The following TNK2 variants were observed in gnomAD, a reference collection of about 807,000 sequenced individuals.
TNK2 encodes tyrosine kinase non receptor 2.
A neutral mutation model predicts 101.8 loss-of-function variants in TNK2; 83 were observed. The observed-to-expected ratio is 0.82, with a 90% CI of 0.68 to 0.98. TNK2 has a LOEUF of 0.98. TNK2 is among the 50% of genes least tolerant of loss of function. The pLI is 0.00. For missense variants in TNK2, 1,665 were observed against 1,483.2 expected (o/e 1.12, Z -2.01); for synonymous variants, 804 against 633.0 (o/e 1.27, Z -4.06).
chr3:195,869,568 GGAGA>G, intron 11 of TNK2, 27 bp from the exon 12 acceptor site: 1 of 1,550,646 alleles, frequency 6.4e-7, no homozygotes, highest in East Asian at 2.4e-5. Flanking sequence ...GCGGACAGGG[GGAGA>G]GAGACGGAGC....
In TNK2 at chr3:195,867,532, G is replaced by A. The variant is rs767112178; in HGVS notation, c.2766C>T (p.Ala922=). The change falls in exon 13 of 16, where the codon GCC becomes GCT. Residue 922 remains alanine (A), a synonymous_variant. Transcript: ENST00000672887. The part of the protein sequence containing the change: ...PSTPAPAAPT[A]TVRPMPQAAL... ...CAGCCTGGGGCATCGGCCGCACGGT[G>A]GCCGTGGGGGCGGCGGGGGCTGGGG... The A allele has an allele frequency of 5.2e-6, 8 of 1,537,844 alleles. No homozygotes were observed. In the East Asian group the frequency reaches 1.6e-4, roughly 31 times the overall value.
chr3:195,891,847 C>T (rs1758602027), intron 1 of TNK2: 2 of 914,434 alleles, frequency 2.2e-6, no homozygotes, highest in South Asian at 5.0e-5. Flanking sequence ...GAGGCCCCTC[C>T]CCTGAAGCTC....
intron 1 of TNK2, among the ~76,000 whole-genome samples, chr3:195,906,556 T>G (rs1761736768): frequency 6.6e-6 from 1 of 150,826 alleles, no homozygotes; most frequent in South Asian, 2.1e-4. Context: ...TGACAGAAAG[T>G]AGACCAGCCT....
At chr3:195,877,196 C>G (rs149697992) in intron 9 of TNK2, among the ~76,000 whole-genome samples, 213 of 152,312 alleles carry the variant, frequency 1.4e-3, no homozygotes, top group African/African-American at 4.2e-3. Context: ...GCCTCTCTTT[C>G]TAGAACCTTC....
chr3:195,872,477 G>C lies in TNK2; in HGVS notation c.1257-7C>G, dbSNP rs762035035. 6.4e-7 allele frequency: 1 copy of C among 1,573,310 alleles called. No homozygotes were observed. The highest frequency in any genetic ancestry group is 2.3e-5 in the East Asian group (1 of 44,218). On this transcript the variant is annotated splice_region_variant and splice_polypyrimidine_tract_variant and intron_variant, in intron 9 of 15. Transcript: ENST00000672887. The stretch of plus-strand genomic sequence containing the variant: ...CCACCAGTAGTTCTCGGCCCTGCGC[G>C]ACAGAGATGGCACGGTGAACGCCAG...
At chr3:195,898,221 A>AC (rs1760844829) in intron 1 of TNK2, among the ~76,000 whole-genome samples, 1 of 152,032 alleles carries the variant, frequency 6.6e-6, no homozygotes, top group African/African-American at 2.4e-5. Context: ...TCCACCAGAC[A>AC]CACCGGTCGG....
At chr3:195,887,899 CGTGTGTGCACGTGCAT>C (rs1756668273) in intron 2 of TNK2, among the ~76,000 whole-genome samples, 1 of 123,434 alleles carries the variant, frequency 8.1e-6, no homozygotes, top group African/African-American at 4.9e-5. Flanking sequence ...CACGTGCATG[CGTGTGTGCACGTGCAT>C]GCGTGCGTGC....
chr3:195,865,301 C>A (rs1416993977), intron 15 of TNK2, among the ~76,000 whole-genome samples: 4 of 138,576 alleles, frequency 2.9e-5, no homozygotes, highest in Non-Finnish European at 3.1e-5. Context: ...TCAGTAAGAA[C>A]CACCCGAGAC....
Position 195,873,677 on chromosome 3 carries a change from G to A in TNK2, c.1257-1207C>T, listed in dbSNP as rs184148301. Among the ~76,000 whole-genome samples, 37 of 152,318 alleles carry A rather than the reference G, an allele frequency of 2.4e-4. No individual in the cohort carries two copies. The East Asian group carries it at 6.8e-3, about 28-fold the overall frequency. On this transcript the variant is annotated intron_variant, in intron 9 of 15. Transcript: ENST00000672887. Reference sequence around the variant, plus strand: ...TCCTCTGAAACCCAGCCAGGCCGGGGAGAGAGGACGGAGGAGGTGGCGACG... The same window carrying A: ...TCCTCTGAAACCCAGCCAGGCCGGGAAGAGAGGACGGAGGAGGTGGCGACG...
intron 10 of TNK2, among the ~76,000 whole-genome samples, chr3:195,871,806 G>C (rs1474154367): frequency 1.3e-5 from 2 of 151,660 alleles, no homozygotes; most frequent in Non-Finnish European, 3.0e-5. Flanking sequence ...TCCCCTTATT[G>C]GGGGGGTGAA....
Position 195,895,317 on chromosome 3 carries a change from C to A in TNK2, c.-18-6711G>T, listed in dbSNP as rs1392111523. 2.5e-6 allele frequency: 4 copies of A among 1,578,366 alleles called. No homozygotes were observed. In the South Asian group the frequency reaches 3.5e-5, roughly 14 times the overall value. On this transcript the variant is annotated intron_variant, in intron 1 of 15. Coordinates refer to ENST00000672887, the MANE Select transcript of TNK2 (RefSeq NM_001382273.1). ...TCCCCCATGGAGCCCCAAATCCCAG[C>A]GGCTGCGGTCAGGGAGAGAAGCAGC...
Position 195,886,919 on chromosome 3 carries a change from C to CGGGGGGGGGGGGGGG in TNK2, c.234+57_234+58insCCCCCCCCCCCCCCC. 6.3e-7 allele frequency: 1 copy of CGGGGGGGGGGGGGGG among 1,583,682 alleles called. No individual in the cohort carries two copies. Among genetic ancestry groups the CGGGGGGGGGGGGGGG allele is most frequent in the Non-Finnish European group, 8.7e-7 (1 of 1,152,234 alleles). ...TGGGGAAGGTTCCCAGGACCAGAAG[C>CGGGGGGGGGGGGGGG]GGAGGGGGGCGTTCGAGGCTGCCCC... On this transcript the variant is annotated intron_variant, in intron 3 of 15. Transcript: ENST00000672887. The surrounding 1 kb of genome is among the most constrained non-coding windows in gnomAD (Gnocchi z 4.2).
chr3:195,866,934 T>G lies in TNK2; in HGVS notation c.3116A>C (p.Gln1039Pro). The change falls in exon 15 of 16, where the codon CAG (glutamine) becomes CCG (proline). Residue 1039 changes from glutamine to proline, a missense_variant. Physicochemically the swap from Gln to Pro is moderately conservative, Grantham distance 76 (BLOSUM62 -1). Around this residue, in one of 3 missense-constraint regions of TNK2, gnomAD observed 1,136 missense variants for 894.9 expected, o/e 1.27. Coordinates refer to ENST00000672887, the MANE Select transcript of TNK2 (RefSeq NM_001382273.1). ...GGAGCCCAGAAGGTGGCAGCCGGCCTGCTCCAGGTTCCAGTCGAACATCTC... is the reference window on the plus strand; with the variant it reads ...GGAGCCCAGAAGGTGGCAGCCGGCCGGCTCCAGGTTCCAGTCGAACATCTC... ...VLEMFDWNLEQAGCHLLGSWG... is the reference protein window; with the variant it reads ...VLEMFDWNLEPAGCHLLGSWG... The G allele has an allele frequency of 6.2e-7, 1 of 1,612,752 alleles. No individual in the cohort carries two copies. Among genetic ancestry groups the G allele is most frequent in the Non-Finnish European group, 8.5e-7 (1 of 1,179,738 alleles).
intron 12 of TNK2, chr3:195,869,203 C>T (rs931185179): frequency 1.7e-5 from 10 of 575,540 alleles, no homozygotes; most frequent in Admixed American, 9.0e-5. Flanking sequence ...TGGGAGGCAG[C>T]GAGGCCAAGG....
Position 195,888,622 on chromosome 3 carries a change from T to A in TNK2, c.-18-16A>T. ...CTCCCAGCCTCTGTGGGGGGAGGAGTGGCTCAGGGACAAGGGTTGTGGGGG... is the reference window on the plus strand; with the variant it reads ...CTCCCAGCCTCTGTGGGGGGAGGAGAGGCTCAGGGACAAGGGTTGTGGGGG... On this transcript the variant is annotated splice_polypyrimidine_tract_variant and intron_variant, in intron 1 of 15. Coordinates refer to ENST00000672887, the MANE Select transcript of TNK2 (RefSeq NM_001382273.1). This position sits in a 1 kb window ranked among gnomAD's most constrained non-coding sequence, Gnocchi z 5.3. 6.3e-7 allele frequency: 1 copy of A among 1,598,170 alleles called. No individual in the cohort carries two copies.
chr3:195,866,114 TTATA>T (rs1349188753), intron 15 of TNK2, among the ~76,000 whole-genome samples: 6 of 152,212 alleles, frequency 3.9e-5, no homozygotes, highest in Non-Finnish European at 8.8e-5. Context: ...TAAAGTGTGT[TTATA>T]TATGTATATA....
At chr3:195,869,825 G>A (rs908059152) in intron 11 of TNK2, 25 of 569,460 alleles carry the variant, frequency 4.4e-5, no homozygotes, top group African/African-American at 9.4e-5. Flanking sequence ...AGGATTAGGG[G>A]GAAGTGAGGA....
At chr3:195,889,815 G>C (rs1433372621) in intron 1 of TNK2, among the ~76,000 whole-genome samples, 1 of 152,222 alleles carries the variant, frequency 6.6e-6, no homozygotes, top group Non-Finnish European at 1.5e-5. Flanking sequence ...TCAGAGCTGA[G>C]GGCGTGGCCA....
In TNK2 at chr3:195,885,172, C is replaced by G; in HGVS notation, c.235-139G>C. 9.6e-7 allele frequency: 1 copy of G among 1,046,374 alleles called. No individual in the cohort carries two copies. Among genetic ancestry groups the G allele is most frequent in the African/African-American group, 1.6e-5 (1 of 62,038 alleles). The allele number at this position is 1,046,374 out of a possible 1,614,324, so 64.8% of individuals were successfully genotyped here. A position where few individuals can be genotyped will look rare whatever the true frequency, so the allele number is the denominator to read the frequency against. On this transcript the variant is annotated intron_variant, in intron 3 of 15. Transcript: ENST00000672887. This position sits in a 1 kb window ranked among gnomAD's most constrained non-coding sequence, Gnocchi z 4.7. ...TGGTTTTGCCAAACTGTCAGTGGGG[C>G]AGCCTGGCTGGAGGCCCACACTCCG...
Sources: gnomAD v4.1 joint callset for allele counts (sites outside exome capture counted in the v4.1 genomes callset) on GRCh38, gnomAD v4.1.1 for gene constraint, gnomAD v4.1.1 regional missense constraint, Gnocchi (gnomAD v3.1) non-coding constraint, MANE v1.5 for transcripts, NCBI Gene and HGNC (gene_info 2026-07-23, HGNC 2026-07-21) for gene names.